FAM78B: variants seen among roughly 807,000 people sequenced by gnomAD.
FAM78B encodes protein FAM78B.
FAM78B carries 10 observed loss-of-function variants against 20.0 expected under a neutral mutation model. That is an observed-to-expected ratio of 0.50 (90% confidence interval 0.31 to 0.85). The LOEUF is 0.85. Ranked by LOEUF, FAM78B falls within the 40% of genes least tolerant of loss-of-function variation. The pLI, the probability that FAM78B is intolerant of heterozygous loss-of-function variation, is 0.05. For synonymous variants in FAM78B, 135 were observed against 132.8 expected, an observed-to-expected ratio of 1.02 and a Z score of -0.12; for missense variants, 283 against 345.0, an observed-to-expected ratio of 0.82 and a Z score of 1.42.
intron 1 of FAM78B, among the ~76,000 whole-genome samples, chr1:166,089,651 TAC>T (rs1023373560): frequency 5.9e-5 from 9 of 151,834 alleles, no homozygotes; most frequent in Non-Finnish European, 1.0e-4. Flanking sequence ...TGGAGTTTTG[TAC>T]AGTTAGGGCA....
chr1:166,058,735 A>T (rs551722071), exon 3 of FAM78B: 1 of 152,664 alleles, frequency 6.6e-6, no homozygotes, highest in Admixed American at 6.5e-5. Context: ...GTTTGTATGT[A>T]GACAGTGTGT....
chr1:166,152,003 C>A (rs1466061752), intron 1 of FAM78B, among the ~76,000 whole-genome samples: 1 of 152,196 alleles, frequency 6.6e-6, no homozygotes, highest in African/African-American at 2.4e-5. Flanking sequence ...GATTACGCAA[C>A]CCCACAGGTA....
At position 166,070,505 on chromosome 1, in the gene FAM78B, C is replaced by T; in HGVS notation, c.522G>A (p.Val174=). The change falls in exon 2 of 2, where the codon GTG becomes GTA. Residue 174 remains valine, a synonymous_variant. Transcript: ENST00000354422. ...KRDQSFTTWL[V]AMNTTTKEKI... is the part of the protein sequence containing the mutation. ...TCTCCTTTGTGGTGGTGTTCATGGC[C>T]ACCAGCCAGGTCGTGAAACTTTGGT... 1.9e-6 allele frequency: 3 copies of T among 1,614,144 alleles called. No homozygotes were observed. The highest frequency in any genetic ancestry group is 2.5e-6 in the Non-Finnish European group (3 of 1,180,020).
chr1:166,131,411 G>A (rs559110764), intron 1 of FAM78B, among the ~76,000 whole-genome samples: 4 of 152,270 alleles, frequency 2.6e-5, no homozygotes, highest in Admixed American at 1.3e-4. Context: ...AGGCAAAACT[G>A]CTCCAGAGTT....
intron 1 of FAM78B, among the ~76,000 whole-genome samples, chr1:166,087,827 G>A (rs1367965501): frequency 6.6e-6 from 1 of 152,186 alleles, no homozygotes; most frequent in African/African-American, 2.4e-5. Flanking sequence ...TATGTGGGCA[G>A]GGGGTGGGCA....
At chr1:166,150,936 TA>T (rs891252344) in intron 1 of FAM78B, among the ~76,000 whole-genome samples, 6 of 151,978 alleles carry the variant, frequency 3.9e-5, no homozygotes, top group African/African-American at 1.4e-4. Context: ...ATTTAAAAAA[TA>T]AAAAAAATTA....
At chr1:166,133,749 C>A (rs1217489772) in intron 1 of FAM78B, among the ~76,000 whole-genome samples, 1 of 152,182 alleles carries the variant, frequency 6.6e-6, no homozygotes, top group East Asian at 1.9e-4. Flanking sequence ...CTTTCTCAGG[C>A]CGTCTGCTTC....
At chr1:166,159,675 T>C (rs1489876371) in intron 1 of FAM78B, among the ~76,000 whole-genome samples, 1 of 152,094 alleles carries the variant, frequency 6.6e-6, no homozygotes, top group African/African-American at 2.4e-5. Context: ...CCCCAACCCA[T>C]CCAGTGCCCT....
intron 1 of FAM78B, among the ~76,000 whole-genome samples, chr1:166,160,669 T>A (rs1227001801): frequency 1.3e-5 from 2 of 152,232 alleles, no homozygotes; most frequent in Non-Finnish European, 2.9e-5. Context: ...TGAAGAGACA[T>A]TATTTGTTGA....
Position 166,166,295 on chromosome 1 carries a change from C to A in FAM78B, c.-47G>T. The A allele has an allele frequency of 4.2e-6, 5 of 1,194,684 alleles. No individual in the cohort carries two copies. Among genetic ancestry groups the A allele is most frequent in the Admixed American group, 4.5e-5 (1 of 22,122 alleles). 74.0% of individuals were successfully genotyped at this position (1,194,684 alleles called of 1,614,324 possible). ...GGCGCGGCGTGGGGCAGCGCGGGGG[C>A]CCGCGCGGGCAGCCGGGGGCGCCCG... On this transcript the variant is annotated 5_prime_UTR_variant, in exon 1 of 2. Coordinates refer to ENST00000354422, the MANE Select transcript of FAM78B (RefSeq NM_001017961.5).
intron 1 of FAM78B, chr1:166,086,996 T>C (rs901223428): frequency 2.0e-5 from 3 of 152,106 alleles, no homozygotes; most frequent in Non-Finnish European, 4.4e-5. Context: ...TGATTGTGGA[T>C]GAAAGTGGTA....
chr1:166,063,802 G>A (rs1366753195), intron 2 of FAM78B, among the ~76,000 whole-genome samples: 2 of 152,182 alleles, frequency 1.3e-5, no homozygotes, highest in Non-Finnish European at 2.9e-5. Context: ...TCCCATCATT[G>A]CTGTAATTCT....
intron 1 of FAM78B, among the ~76,000 whole-genome samples, chr1:166,093,122 A>G (rs1212612778): frequency 6.6e-6 from 1 of 152,212 alleles, no homozygotes; most frequent in Non-Finnish European, 1.5e-5. Flanking sequence ...TTGGAATAGA[A>G]AACGCTTTAT....
chr1:166,059,988 T>A (rs1651519235), exon 3 of FAM78B: 1 of 153,206 alleles, frequency 6.5e-6, no homozygotes, highest in African/African-American at 2.4e-5. Context: ...AATAAACCAA[T>A]GCACACCATT....
At chr1:166,136,846 G>T (rs554792291) in intron 1 of FAM78B, among the ~76,000 whole-genome samples, 4 of 152,338 alleles carry the variant, frequency 2.6e-5, no homozygotes, top group African/African-American at 9.6e-5. Context: ...TCTAGAAGAT[G>T]CCTGATGGGG....
intron 1 of FAM78B, among the ~76,000 whole-genome samples, chr1:166,081,427 A>G (rs1024679459): frequency 4.6e-5 from 7 of 152,158 alleles, no homozygotes; most frequent in African/African-American, 1.7e-4. Context: ...CCAGTTTTCT[A>G]GGTCACATCT....
At chr1:166,129,180 G>A (rs951361340) in intron 1 of FAM78B, among the ~76,000 whole-genome samples, 22 of 152,172 alleles carry the variant, frequency 1.4e-4, no homozygotes, top group African/African-American at 5.3e-4. Flanking sequence ...TGCTGTGGGC[G>A]CACTCCTGTG....
At chr1:166,123,504 T>G (rs568763577) in intron 1 of FAM78B, among the ~76,000 whole-genome samples, 1 of 152,350 alleles carries the variant, frequency 6.6e-6, no homozygotes, top group East Asian at 1.9e-4. Context: ...GAGTGACATC[T>G]CTAAAACACA....
At chr1:166,109,856 A>ATGTG (rs1261998155) in intron 1 of FAM78B, among the ~76,000 whole-genome samples, 2,427 of 19,134 alleles carry the variant, frequency 0.13, 511 homozygotes, top group East Asian at 0.2. Context: ...ATATATATAT[A>ATGTG]TATATGTATG....
Sources: gnomAD v4.1 joint callset for allele counts (sites outside exome capture counted in the v4.1 genomes callset) on GRCh38, gnomAD v4.1.1 for gene constraint, MANE v1.5 for transcripts, NCBI Gene and HGNC (gene_info 2026-07-23, HGNC 2026-07-21) for gene names.